ST8SIA5: variants seen among roughly 807,000 people sequenced by gnomAD.
ST8SIA5 encodes ST8 alpha-N-acetyl-neuraminide alpha-2,8-sialyltransferase 5.
ST8SIA5 carries 24 observed loss-of-function variants against 40.2 expected under a neutral mutation model. That is an observed-to-expected ratio of 0.60 (90% CI 0.43 to 0.84). ST8SIA5 has a LOEUF of 0.84. Among genes scored for constraint, ST8SIA5 ranks in the 40% least tolerant of loss-of-function variants. The pLI is 0.00. For synonymous variants in ST8SIA5, 198 were observed against 201.8 expected, an observed-to-expected ratio of 0.98 and a Z score of 0.16; for missense variants, 465 against 498.5, an observed-to-expected ratio of 0.93 and a Z score of 0.64.
At position 46,680,290 on chromosome 18, in the gene ST8SIA5, G is replaced by C. The variant is rs749600014; in HGVS notation, c.883C>G (p.Arg295Gly). 1 of 1,614,192 alleles carries C rather than the reference G, an allele frequency of 6.2e-7. No individual in the cohort carries two copies. Among genetic ancestry groups the C allele is most frequent in the Admixed American group, 1.7e-5 (1 of 60,022 alleles). The change falls in exon 7 of 7, where the codon CGC (arginine) becomes GGC (glycine). Residue 295 changes from arginine to glycine, a missense_variant. Arg to Gly is a moderately radical substitution (Grantham distance 125). Transcript: ENST00000315087. Reference protein sequence around the residue: ...VSRYWLSLGVRAKRISTGLIL... With the variant: ...VSRYWLSLGVGAKRISTGLIL... ...AGGCCGGTGCTGATGCGCTTGGCGCGCACCCCCAGGCTGAGCCAGTAGCGC... is the reference window on the plus strand; with the variant it reads ...AGGCCGGTGCTGATGCGCTTGGCGCCCACCCCCAGGCTGAGCCAGTAGCGC...
intron 1 of ST8SIA5, among the ~76,000 whole-genome samples, chr18:46,716,063 T>G (rs1258522772): frequency 1.3e-5 from 2 of 150,484 alleles, no homozygotes; most frequent in Admixed American, 1.3e-4. Context: ...CTCCCATGAG[T>G]GCTGGGACTG....
At position 46,756,517 on chromosome 18, in the gene ST8SIA5, CCGGGCGCCG is replaced by C. The variant is rs1227947720; in HGVS notation, c.-18_-10del. ...GGGTCCGCGTAGCGCATCCTGGCTA[CCGGGCGCCG>C]CGGGCGCGGGGTACGGGGCGGCCAG... On this transcript the variant is annotated 5_prime_UTR_variant, in exon 1 of 7. Coordinates refer to ENST00000315087, the MANE Select transcript of ST8SIA5 (RefSeq NM_013305.6). 1.7e-5 allele frequency: 28 copies of C among 1,611,744 alleles called. No homozygotes were observed. The highest frequency in any genetic ancestry group is 1.7e-4 in the Middle Eastern group (1 of 6,048).
chr18:46,734,376 C>A (rs1259178313), intron 1 of ST8SIA5, among the ~76,000 whole-genome samples: 7 of 151,976 alleles, frequency 4.6e-5, no homozygotes, highest in Admixed American at 4.6e-4. Context: ...GGAGAGACCC[C>A]CAACCCCTAG....
intron 2 of ST8SIA5, among the ~76,000 whole-genome samples, chr18:46,703,815 A>C (rs963340248): frequency 6.6e-5 from 10 of 152,180 alleles, no homozygotes; most frequent in Middle Eastern, 3.2e-3. Flanking sequence ...AATTCTTCTA[A>C]ATGGGTTTGC....
rs71162819 is a variant in ST8SIA5, at chr18:46,719,820, C to CTCTTTCTT, written c.132-15164_132-15157dup. Among the ~76,000 whole-genome samples, 179 of 137,950 alleles carry CTCTTTCTT rather than the reference C, an allele frequency of 1.3e-3. No homozygotes were observed. In the East Asian group the frequency reaches 0.015, roughly 12 times the overall value. The allele number at this position is 137,950 out of a possible 152,430, so 90.5% of individuals were successfully genotyped here. On this transcript the variant is annotated intron_variant, in intron 1 of 6. Coordinates refer to ENST00000315087, the MANE Select transcript of ST8SIA5 (RefSeq NM_013305.6). Reference sequence around the variant, plus strand: ...TCTCTCTCTCTTCTTTCCTTCCTTTCTCTTTCTTTCTTTCTTTCTCTCTCT... The same window carrying CTCTTTCTT: ...TCTCTCTCTCTTCTTTCCTTCCTTTCTCTTTCTTTCTTTCTTTCTTTCTTTCTCTCTCT...
intron 1 of ST8SIA5, among the ~76,000 whole-genome samples, chr18:46,708,249 G>A (rs769532013): frequency 6.6e-6 from 1 of 152,170 alleles, no homozygotes; most frequent in Non-Finnish European, 1.5e-5. Context: ...GCCTGAGTCA[G>A]GGATGAACAA....
chr18:46,711,946 G>T (rs1055233781), intron 1 of ST8SIA5, among the ~76,000 whole-genome samples: 1 of 152,188 alleles, frequency 6.6e-6, no homozygotes, highest in Non-Finnish European at 1.5e-5. Context: ...GATGTTCTCA[G>T]TGCAACCCTA....
intron 5 of ST8SIA5, among the ~76,000 whole-genome samples, chr18:46,683,168 T>C (rs2039414469): frequency 6.6e-6 from 1 of 152,074 alleles, no homozygotes; most frequent in Non-Finnish European, 1.5e-5. Flanking sequence ...CAATTCAAGG[T>C]AGCGATACCT....
intron 1 of ST8SIA5, chr18:46,721,445 A>T: frequency 6.5e-7 from 1 of 1,535,970 alleles, no homozygotes; most frequent in Middle Eastern, 1.7e-4. Flanking sequence ...GCTGGTCACC[A>T]CTCTGCCAAC....
intron 1 of ST8SIA5, among the ~76,000 whole-genome samples, chr18:46,724,612 G>C (rs964412259): frequency 1.3e-5 from 2 of 152,202 alleles, no homozygotes; most frequent in African/African-American, 2.4e-5. Flanking sequence ...GAGACACTTT[G>C]AGCACCTATT....
intron 1 of ST8SIA5, among the ~76,000 whole-genome samples, chr18:46,704,868 G>A (rs957775258): frequency 2.6e-5 from 4 of 152,166 alleles, no homozygotes; most frequent in South Asian, 2.1e-4. Flanking sequence ...TACTCTCAGC[G>A]CCCCACTCCC....
intron 1 of ST8SIA5, among the ~76,000 whole-genome samples, chr18:46,726,019 TATATATATATCCTGG>T (rs1568271537): frequency 2.8e-4 from 28 of 100,772 alleles, no homozygotes; most frequent in Non-Finnish European, 4.3e-4. Flanking sequence ...ATCCTGGATA[TATATATATATCCTGG>T]ATATATATAT....
intron 5 of ST8SIA5, among the ~76,000 whole-genome samples, chr18:46,684,634 G>GA (rs2039428184): frequency 6.6e-6 from 1 of 152,202 alleles, no homozygotes. Context: ...TCTTAGCCCT[G>GA]AAAATCACAC....
rs1194921168 is a variant in ST8SIA5, at chr18:46,668,240, G to C, written c.*11802C>G. ...CACGGAGCGCAGTGCAGCGTGACTT[G>C]GCTCTTTGAGAGGAAAGCAAGGGAG... On this transcript the variant is annotated 3_prime_UTR_variant, in exon 7 of 7. Coordinates refer to ENST00000315087, the MANE Select transcript of ST8SIA5 (RefSeq NM_013305.6). 1.3e-5 allele frequency: 2 copies of C among 152,370 alleles called. No individual in the cohort carries two copies. The highest frequency in any genetic ancestry group is 3.9e-4 in the East Asian group (2 of 5,178). 9.4% of individuals were successfully genotyped at this position (152,370 alleles called of 1,614,324 possible).
chr18:46,750,020 C>T (rs932773259), intron 1 of ST8SIA5, among the ~76,000 whole-genome samples: 3 of 152,230 alleles, frequency 2.0e-5, no homozygotes, highest in African/African-American at 4.8e-5. Context: ...CTTTCAGCCT[C>T]TTGAGCAGGA....
intron 1 of ST8SIA5, among the ~76,000 whole-genome samples, chr18:46,748,225 T>A (rs562055065): frequency 7.4e-6 from 1 of 136,020 alleles, no homozygotes; most frequent in African/African-American, 2.8e-5. Context: ...GTATAATTCA[T>A]AAATAAATAA....
chr18:46,681,874 C>T, intron 6 of ST8SIA5, 98 bp downstream of exon 6: 2 of 1,259,072 alleles, frequency 1.6e-6, no homozygotes, highest in South Asian at 1.3e-5. Flanking sequence ...TCACAGCCAG[C>T]ACACCTCCAG....
At chr18:46,723,479 G>A (rs912845709) in intron 1 of ST8SIA5, among the ~76,000 whole-genome samples, 1 of 149,816 alleles carries the variant, frequency 6.7e-6, no homozygotes, top group Non-Finnish European at 1.5e-5. Flanking sequence ...TTGATCCTGG[G>A]AGGTGGAGGT....
intron 6 of ST8SIA5, among the ~76,000 whole-genome samples, chr18:46,680,719 T>C (rs1220782517): frequency 6.6e-6 from 1 of 152,138 alleles, no homozygotes; most frequent in Non-Finnish European, 1.5e-5. Context: ...GAGAGGGCAG[T>C]TGGGATCCAA....
Sources: gnomAD v4.1 joint callset for allele counts (sites outside exome capture counted in the v4.1 genomes callset) on GRCh38, gnomAD v4.1.1 for gene constraint, MANE v1.5 for transcripts, NCBI Gene and HGNC (gene_info 2026-07-23, HGNC 2026-07-21) for gene names.